The following ANKRD27 variants were observed in gnomAD, a reference collection of about 807,000 sequenced individuals.
ANKRD27 encodes the protein ankyrin repeat domain-containing protein 27.
In ANKRD27, 112 loss-of-function variants were observed where a neutral mutation model predicts 129.7. The observed-to-expected ratio is 0.86, with a 90% confidence interval of 0.74 to 1.01. The LOEUF is 1.01. ANKRD27 is among the 50% of genes least tolerant of loss of function. The pLI is 0.00. For missense variants in ANKRD27, 1,258 were observed against 1,300.5 expected, an observed-to-expected ratio of 0.97 and a Z score of 0.50; for synonymous variants, 516 against 511.2, an observed-to-expected ratio of 1.01 and a Z score of -0.13.
chr19:32,674,273 C>T (rs1472303648), intron 1 of ANKRD27, among the ~76,000 whole-genome samples: 2 of 152,326 alleles, frequency 1.3e-5, no homozygotes, highest in East Asian at 3.9e-4. Flanking sequence ...TGAAACCCAT[C>T]AACTTGTAAA....
chr19:32,665,948 G>T (rs181187680), intron 1 of ANKRD27, among the ~76,000 whole-genome samples: 1 of 151,086 alleles, frequency 6.6e-6, no homozygotes, highest in African/African-American at 2.4e-5. Context: ...TGTATTTTTT[G>T]GTAGAGACGG....
chr19:32,628,857 G>T lies in ANKRD27; in HGVS notation c.1210-8C>A, dbSNP rs1966938616. 12 of 1,613,850 alleles carry T rather than the reference G, an allele frequency of 7.4e-6. No individual in the cohort carries two copies. The highest frequency in any genetic ancestry group is 1.0e-5 in the Non-Finnish European group (12 of 1,179,930). ...GTTACCTGATGCAATGTGCTGAAAAGTGACATCCAAGATGCTATCCACATG... is the reference window on the plus strand; with the variant it reads ...GTTACCTGATGCAATGTGCTGAAAATTGACATCCAAGATGCTATCCACATG... On this transcript the variant is annotated splice_region_variant and splice_polypyrimidine_tract_variant and intron_variant, in intron 13 of 28. Transcript: ENST00000306065.
At chr19:32,641,358 T>C (rs1967197261) in intron 10 of ANKRD27, among the ~76,000 whole-genome samples, 1 of 152,176 alleles carries the variant, frequency 6.6e-6, no homozygotes, top group African/African-American at 2.4e-5. Flanking sequence ...CTTCCTAAAG[T>C]CACCAAGGTC....
At chr19:32,605,016 G>A (rs1282150727) in intron 24 of ANKRD27, among the ~76,000 whole-genome samples, 1 of 152,200 alleles carries the variant, frequency 6.6e-6, no homozygotes, top group Non-Finnish European at 1.5e-5. Flanking sequence ...AGGTTGCAGT[G>A]AGCTGAGAGT....
chr19:32,660,108 T>A (rs1967616640), intron 1 of ANKRD27, among the ~76,000 whole-genome samples: 1 of 152,060 alleles, frequency 6.6e-6, no homozygotes, highest in South Asian at 2.1e-4. Context: ...AAAATTAAAA[T>A]AATAAAATTT....
At chr19:32,656,092 A>AAAGC (rs1967521466) in intron 2 of ANKRD27, among the ~76,000 whole-genome samples, 1 of 118,348 alleles carries the variant, frequency 8.4e-6, no homozygotes, top group Non-Finnish European at 1.6e-5. Flanking sequence ...AGAAAGAAAG[A>AAAGC]AAGAAAGAAA....
chr19:32,650,358 C>A (rs913846214), intron 2 of ANKRD27, among the ~76,000 whole-genome samples: 1 of 152,162 alleles, frequency 6.6e-6, no homozygotes, highest in Admixed American at 6.5e-5. Flanking sequence ...TTGAGACCAG[C>A]CTGGCCAACA....
At chr19:32,640,187 T>G in intron 11 of ANKRD27, 120 bp downstream of exon 11, 1 of 652,114 alleles carries the variant, frequency 1.5e-6, no homozygotes, top group South Asian at 1.6e-5. Context: ...ATGGTCTCGA[T>G]CTCCTGACCT....
At chr19:32,652,466 G>A (rs185718715) in intron 2 of ANKRD27, among the ~76,000 whole-genome samples, 56 of 152,202 alleles carry the variant, frequency 3.7e-4, no homozygotes, top group African/African-American at 1.2e-3. Flanking sequence ...GGTGGCAACC[G>A]CTTGTAATCC....
rs374262582 is a variant in ANKRD27, at chr19:32,658,324, G to A, written c.102+590C>T. On this transcript the variant is annotated intron_variant, in intron 2 of 28. Coordinates refer to ENST00000306065, the MANE Select transcript of ANKRD27 (RefSeq NM_032139.3). ...GACCCACAATGTGGGGCCCGCCCCC[G>A]TCCAGGCAGATGCCCCCACCATGAC... Among the ~76,000 whole-genome samples, 72 of 152,308 alleles carry A rather than the reference G, an allele frequency of 4.7e-4. 1 individual carries two copies. In the South Asian group the frequency reaches 9.5e-3, roughly 20 times the overall value.
intron 1 of ANKRD27, among the ~76,000 whole-genome samples, chr19:32,667,940 T>C (rs76219222): frequency 0.11 from 16,002 of 152,146 alleles, 1,095 homozygotes; most frequent in East Asian, 0.26. Context: ...AGTGAATTTA[T>C]CCTTGATACA....
intron 10 of ANKRD27, among the ~76,000 whole-genome samples, chr19:32,641,411 C>A (rs1049202067): frequency 6.6e-6 from 1 of 152,078 alleles, no homozygotes; most frequent in Non-Finnish European, 1.5e-5. Flanking sequence ...GAGTCCACTG[C>A]CCATGTGGAG....
At chr19:32,651,790 T>TGA (rs1967421461) in intron 2 of ANKRD27, among the ~76,000 whole-genome samples, 1 of 152,094 alleles carries the variant, frequency 6.6e-6, no homozygotes, top group Non-Finnish European at 1.5e-5. Context: ...CTGGCCCCAT[T>TGA]CACTGCATCC....
intron 13 of ANKRD27, 138 bp downstream of exon 13, chr19:32,631,264 C>T (rs1482018165): frequency 2.7e-6 from 2 of 740,812 alleles, no homozygotes; most frequent in Non-Finnish European, 4.6e-6. Flanking sequence ...AGGTTATCAC[C>T]CACCTCGGCC....
intron 22 of ANKRD27, among the ~76,000 whole-genome samples, chr19:32,615,127 A>T (rs1424096616): frequency 1.3e-5 from 2 of 152,160 alleles, no homozygotes; most frequent in East Asian, 3.9e-4. Flanking sequence ...AGCAGCCAAA[A>T]CGCTAATCAT....
At chr19:32,659,407 T>C (rs1967606004) in intron 1 of ANKRD27, among the ~76,000 whole-genome samples, 1 of 152,044 alleles carries the variant, frequency 6.6e-6, no homozygotes, top group Non-Finnish European at 1.5e-5. Context: ...CTAAAGAGTA[T>C]CCTCCAAATA....
In ANKRD27 at chr19:32,640,503, G is replaced by A. The variant is rs199571614; in HGVS notation, c.905-118C>T. 5.0e-6 allele frequency: 4 copies of A among 797,900 alleles called. No individual in the cohort carries two copies. In the East Asian group the frequency reaches 1.1e-4, roughly 21 times the overall value. 49.4% of individuals were successfully genotyped at this position (797,900 alleles called of 1,614,324 possible). A position where few individuals can be genotyped will look rare whatever the true frequency, so the allele number is the denominator to read the frequency against. On this transcript the variant is annotated intron_variant, in intron 10 of 28. Coordinates refer to ENST00000306065, the MANE Select transcript of ANKRD27 (RefSeq NM_032139.3). ...CACGTATCAGGGAGATCATACACTG[G>A]GGGAGAAATGTCATTGCACAAGCTC...
intron 1 of ANKRD27, among the ~76,000 whole-genome samples, chr19:32,663,129 T>C (rs1253750900): frequency 6.6e-6 from 1 of 152,190 alleles, no homozygotes; most frequent in Non-Finnish European, 1.5e-5. Flanking sequence ...ATAAAAGGGC[T>C]TGCGGATTCC....
At chr19:32,612,723 G>C (rs1971852699) in intron 22 of ANKRD27, among the ~76,000 whole-genome samples, 1 of 152,142 alleles carries the variant, frequency 6.6e-6, no homozygotes, top group Non-Finnish European at 1.5e-5. Context: ...AAATGGTGCT[G>C]GCGCAAGTGG....
Sources: allele counts gnomAD v4.1 joint callset (sites outside exome capture counted in the v4.1 genomes callset), GRCh38; gene constraint gnomAD v4.1.1; transcripts MANE v1.5; gene names NCBI Gene and HGNC (gene_info 2026-07-23, HGNC 2026-07-21).